The following NPAS3 variants were observed in gnomAD, a reference collection of about 807,000 sequenced individuals.
NPAS3 encodes the protein neuronal PAS domain protein 3.
In NPAS3, 14 loss-of-function variants were observed where a neutral mutation model predicts 73.1. The ratio of observed to expected loss-of-function variants is 0.19; its 90% CI spans 0.13 to 0.30. NPAS3 has a LOEUF of 0.30. Among genes scored for constraint, NPAS3 ranks in the 10% least tolerant of loss-of-function variants. The pLI, the probability that NPAS3 is intolerant of heterozygous loss-of-function variation, is 1.00. For synonymous variants in NPAS3, 620 were observed against 541.5 expected, an observed-to-expected ratio of 1.14 and a Z score of -2.01; for missense variants, 1,096 against 1,250.0, an observed-to-expected ratio of 0.88 and a Z score of 1.86.
chr14:33,576,806 A>C (rs1380637810), intron 5 of NPAS3, among the ~76,000 whole-genome samples: 1 of 152,164 alleles, frequency 6.6e-6, no homozygotes, highest in African/African-American at 2.4e-5. Context: ...CCCAGTCCCG[A>C]GTATCTTTCA....
intron 5 of NPAS3, among the ~76,000 whole-genome samples, chr14:33,570,461 T>A (rs2056158405): frequency 6.6e-6 from 1 of 152,072 alleles, no homozygotes; most frequent in Admixed American, 6.5e-5. Flanking sequence ...AGATGCAAAT[T>A]CAAGGAAAAT....
chr14:33,472,163 T>A (rs190314440), intron 4 of NPAS3, among the ~76,000 whole-genome samples: 1 of 152,282 alleles, frequency 6.6e-6, no homozygotes, highest in East Asian at 1.9e-4. Context: ...TCCAGGAAGG[T>A]CTCACTGTGA....
intron 1 of NPAS3, among the ~76,000 whole-genome samples, chr14:33,004,454 G>A (rs1338544990): frequency 6.6e-6 from 1 of 152,120 alleles, no homozygotes; most frequent in Non-Finnish European, 1.5e-5. Flanking sequence ...AAAAAGAAGA[G>A]AAATGGTACT....
chr14:33,756,061 A>C (rs753042491), intron 7 of NPAS3, among the ~76,000 whole-genome samples: 1 of 152,174 alleles, frequency 6.6e-6, no homozygotes, highest in Non-Finnish European at 1.5e-5. Flanking sequence ...TGAGGATCTA[A>C]TTTCAACATG....
intron 4 of NPAS3, among the ~76,000 whole-genome samples, chr14:33,409,521 T>A (rs1024796118): frequency 7.2e-5 from 11 of 152,188 alleles, no homozygotes; most frequent in African/African-American, 2.7e-4. Context: ...ATAAACTCAT[T>A]TTTTGGGAAG....
intron 1 of NPAS3, among the ~76,000 whole-genome samples, chr14:33,019,981 A>G (rs578238983): frequency 3.9e-5 from 6 of 152,352 alleles, no homozygotes; most frequent in East Asian, 1.9e-4. Context: ...CCTGGGCCCA[A>G]TGGAGAAGAA....
At chr14:33,314,271 T>A (rs59434297) in intron 3 of NPAS3, among the ~76,000 whole-genome samples, 5,092 of 152,214 alleles carry the variant, frequency 0.033, 278 homozygotes, top group East Asian at 0.2. Context: ...CAGAATTTGT[T>A]AATTACTAAT....
intron 2 of NPAS3, among the ~76,000 whole-genome samples, chr14:33,104,545 C>T (rs113237128): frequency 2.3e-4 from 35 of 152,252 alleles, no homozygotes; most frequent in African/African-American, 8.2e-4. Flanking sequence ...ATCTTACATT[C>T]AGAGAACATG....
At chr14:33,430,404 G>C (rs2048734094) in intron 4 of NPAS3, among the ~76,000 whole-genome samples, 1 of 152,102 alleles carries the variant, frequency 6.6e-6, no homozygotes, top group African/African-American at 2.4e-5. Flanking sequence ...CTCTCCTTGG[G>C]TCTTTGGGTC....
intron 4 of NPAS3, among the ~76,000 whole-genome samples, chr14:33,379,977 C>CATGTGTGTGTGT (rs367545400): frequency 6.9e-6 from 1 of 144,232 alleles, no homozygotes; most frequent in Non-Finnish European, 1.5e-5. Context: ...AGTTATCCCT[C>CATGTGTGTGTGT]GTGTGTGTGT....
intron 1 of NPAS3, among the ~76,000 whole-genome samples, chr14:32,979,254 C>G (rs771674863): frequency 6.6e-6 from 1 of 152,102 alleles, no homozygotes; most frequent in East Asian, 1.9e-4. Context: ...AACCTCTATG[C>G]CTTCAAACAA....
chr14:33,152,809 A>G (rs2044499633), intron 2 of NPAS3, among the ~76,000 whole-genome samples: 1 of 151,384 alleles, frequency 6.6e-6, no homozygotes, highest in Admixed American at 6.6e-5. Flanking sequence ...CTTTCATTCA[A>G]TGTGTTGGGT....
At chr14:33,271,314 T>C (rs934211145) in intron 3 of NPAS3, among the ~76,000 whole-genome samples, 1 of 152,160 alleles carries the variant, frequency 6.6e-6, no homozygotes, top group African/African-American at 2.4e-5. Context: ...AATTTCTTTA[T>C]GGCCAGTTTT....
intron 9 of NPAS3, among the ~76,000 whole-genome samples, chr14:33,787,472 G>GA (rs1469954013): frequency 6.6e-6 from 1 of 151,634 alleles, no homozygotes; most frequent in Non-Finnish European, 1.5e-5. Flanking sequence ...TATTAGGGGG[G>GA]AAAATCCATC....
At chr14:33,387,629 G>C (rs933429931) in intron 4 of NPAS3, among the ~76,000 whole-genome samples, 18 of 152,220 alleles carry the variant, frequency 1.2e-4, no homozygotes, top group African/African-American at 3.6e-4. Flanking sequence ...GAGAGGGCAG[G>C]AGAAGGACAG....
chr14:33,100,896 T>C (rs1036579540), intron 2 of NPAS3, among the ~76,000 whole-genome samples: 8 of 152,210 alleles, frequency 5.3e-5, no homozygotes, highest in Non-Finnish European at 5.9e-5. Flanking sequence ...AGGTAAATGT[T>C]TACCTGAATA....
chr14:32,995,196 T>G (rs2038516335), intron 1 of NPAS3, among the ~76,000 whole-genome samples: 1 of 152,228 alleles, frequency 6.6e-6, no homozygotes, highest in South Asian at 2.1e-4. Flanking sequence ...AATTCAGCTC[T>G]TCCAAATCAG....
intron 4 of NPAS3, among the ~76,000 whole-genome samples, chr14:33,484,373 C>G (rs893577191): frequency 2.0e-5 from 3 of 152,188 alleles, no homozygotes; most frequent in African/African-American, 7.2e-5. Flanking sequence ...CTATATTTGT[C>G]TTCCTTCGGA....
At chr14:33,111,256 C>A (rs1258477051) in intron 2 of NPAS3, among the ~76,000 whole-genome samples, 1 of 152,174 alleles carries the variant, frequency 6.6e-6, no homozygotes, top group Non-Finnish European at 1.5e-5. Context: ...TACAGCAGAG[C>A]CTAACAGGGA....
Sources: gnomAD v4.1 joint callset for allele counts (sites outside exome capture counted in the v4.1 genomes callset) on GRCh38, gnomAD v4.1.1 for gene constraint, MANE v1.5 for transcripts, NCBI Gene and HGNC (gene_info 2026-07-23, HGNC 2026-07-21) for gene names.